The following GOT1L1 variants were observed in gnomAD, a reference collection of about 807,000 sequenced individuals.
GOT1L1 encodes the protein aspartate aminotransferase, cytoplasmic 2.
Under a neutral mutation model 43.6 loss-of-function variants are expected in GOT1L1, and 38 were observed. The observed-to-expected ratio is 0.87, with a 90% CI of 0.67 to 1.14. GOT1L1 has a LOEUF of 1.14. Ranked by LOEUF, GOT1L1 falls within the 50% of genes most tolerant of loss-of-function variation. The probability of loss-of-function intolerance (pLI) is 0.00; values close to 1 mark genes in which losing one functional copy is unlikely to be tolerated. For missense variants in GOT1L1, 482 were observed against 504.0 expected (o/e 0.96, Z 0.42); for synonymous variants, 183 against 187.2 (o/e 0.98, Z 0.18).
Position 37,938,897 on chromosome 8 carries a change from C to T in GOT1L1, c.116-16G>A. ...GTCATGCAGACTGTGAGGAAAACCA[C>T]AGAGGGAGCTCCAGATGCCTGGTTT... is the stretch of plus-strand genomic sequence containing the variant. On this transcript the variant is annotated splice_polypyrimidine_tract_variant and intron_variant, in intron 1 of 8. Coordinates refer to ENST00000307599, the MANE Select transcript of GOT1L1 (RefSeq NM_152413.3). 6.2e-7 allele frequency: 1 copy of T among 1,612,426 alleles called. No homozygotes were observed. Among genetic ancestry groups the T allele is most frequent in the Non-Finnish European group, 8.5e-7 (1 of 1,179,122 alleles).
At position 37,935,757 on chromosome 8, in the gene GOT1L1, C is replaced by T. The variant is rs754427989; in HGVS notation, c.876G>A (p.Thr292=). The change falls in exon 7 of 9, where the codon ACG becomes ACA. Residue 292 remains threonine, a synonymous_variant. Coordinates refer to ENST00000307599, the MANE Select transcript of GOT1L1 (RefSeq NM_152413.3). Reference sequence around the variant, plus strand: ...GGATGGAGGTGATGACACGTGCACCCGTGTTGGGGGGGTTTAGCCACAGGG... The same window carrying T: ...GGATGGAGGTGATGACACGTGCACCTGTGTTGGGGGGGTTTAGCCACAGGG... ...AQALWLNPPN[T]GARVITSILC... 1.2e-5 allele frequency: 19 copies of T among 1,611,058 alleles called. No homozygotes were observed. The highest frequency in any genetic ancestry group is 1.7e-5 in the Admixed American group (1 of 59,580).
intron 3 of GOT1L1, 62 bp downstream of exon 3, chr8:37,937,576 G>A (rs570753873): frequency 7.3e-6 from 9 of 1,237,158 alleles, no homozygotes; most frequent in Non-Finnish European, 9.3e-6. Context: ...GATGGCAAAT[G>A]GGGTGAGGAT....
At position 37,936,822 on chromosome 8, in the gene GOT1L1, T is replaced by C; in HGVS notation, c.661A>G (p.Thr221Ala). 6.2e-7 allele frequency: 1 copy of C among 1,611,552 alleles called. No homozygotes were observed. Among genetic ancestry groups the C allele is most frequent in the Non-Finnish European group, 8.5e-7 (1 of 1,177,778 alleles). Residue 221 changes from threonine (T) to alanine (A), a missense_variant, in exon 6 of 9, where the codon ACC becomes GCC. Thr to Ala is a moderately conservative substitution (Grantham distance 58). Coordinates refer to ENST00000307599, the MANE Select transcript of GOT1L1 (RefSeq NM_152413.3). The part of the protein sequence containing the change: ...FFDIPCQGLY[T>A]SDLEEDTRIL... ...CTAGTATCTTCTTCCAAGTCACTGG[T>C]GTATAAACCTTGACAGGGAATATCA...
rs570585162 is a variant in GOT1L1 at position 37,938,635 on chromosome 8, G to A, written c.297+65C>T. The stretch of plus-strand genomic sequence containing the variant: ...CTCCGAGGTCCCCTTCGGGTTTAAG[G>A]TTGTGCAGACCCAGATCGCCACTCT... On this transcript the variant is annotated intron_variant, in intron 2 of 8. Coordinates refer to ENST00000307599, the MANE Select transcript of GOT1L1 (RefSeq NM_152413.3). The A allele has an allele frequency of 1.3e-4, 191 of 1,443,798 alleles. 2 individuals are homozygous for A. In the South Asian group the frequency reaches 2.4e-3, roughly 18 times the overall value. 89.4% of individuals were successfully genotyped at this position (1,443,798 alleles called of 1,614,324 possible).
At chr8:37,937,915 T>C (rs4956535) in intron 2 of GOT1L1, among the ~76,000 whole-genome samples, 166 bp from the exon 3 acceptor site, 68,090 of 151,454 alleles carry the variant, frequency 0.45, 15,764 homozygotes, top group East Asian at 0.77. Flanking sequence ...GTGTTGGGCA[T>C]GTGTAATCCC....
chr8:37,937,716 C>T lies in GOT1L1; in HGVS notation c.331G>A (p.Ala111Thr). Reference sequence around the variant, plus strand: ...AGAAACTGGACGCCAAGCTGGAAGGCACCACTGTCACCAACAGTGTGTACA... The same window carrying T: ...AGAAACTGGACGCCAAGCTGGAAGGTACCACTGTCACCAACAGTGTGTACA... ...GGVHTVGDSG[A>T]FQLGVQFLRA... The change falls in exon 3 of 9, where the codon GCC becomes ACC. Residue 111 changes from alanine to threonine, a missense_variant. By Grantham distance (58) the Ala-to-Thr change is moderately conservative. Coordinates refer to ENST00000307599, the MANE Select transcript of GOT1L1 (RefSeq NM_152413.3). The T allele has an allele frequency of 6.2e-7, 1 of 1,612,970 alleles. No homozygotes were observed. The highest frequency in any genetic ancestry group is 8.5e-7 in the Non-Finnish European group (1 of 1,179,482).
chr8:37,937,015 C>G lies in GOT1L1; in HGVS notation c.562G>C (p.Asp188His), dbSNP rs2276004. 2.4e-5 allele frequency: 38 copies of G among 1,613,882 alleles called. No homozygotes were observed. In the East Asian group the frequency reaches 8.5e-4, roughly 36 times the overall value. Residue 188 changes from aspartate to histidine, a missense_variant, in exon 5 of 9, where the codon GAC (aspartate) becomes CAC (histidine). Physicochemically the swap from Asp to His is moderately conservative, Grantham distance 81. Transcript: ENST00000307599. ...GCVLVMGNII[D>H]CKLTPSGWAK... Reference sequence around the variant, plus strand: ...CACCCACTTGGTGTCAACTTGCAGTCGATAATGTTCCCCATCACAAGGACA... The same window carrying G: ...CACCCACTTGGTGTCAACTTGCAGTGGATAATGTTCCCCATCACAAGGACA...
chr8:37,938,451 A>G (rs902892821), intron 2 of GOT1L1, among the ~76,000 whole-genome samples: 2 of 152,102 alleles, frequency 1.3e-5, no homozygotes, highest in Non-Finnish European at 2.9e-5. Context: ...TACTAACACC[A>G]CCTCCAATTC....
At chr8:37,936,491 A>G (rs1226318173) in intron 6 of GOT1L1, among the ~76,000 whole-genome samples, 1 of 151,942 alleles carries the variant, frequency 6.6e-6, no homozygotes, top group East Asian at 1.9e-4. Flanking sequence ...TAGTTGAGGA[A>G]ACAGAGGCCT....
Position 37,935,870 on chromosome 8 carries a change from C to T in GOT1L1, c.764-1G>A. The T allele has an allele frequency of 6.2e-7, 1 of 1,612,540 alleles. No homozygotes were observed. Among genetic ancestry groups the T allele is most frequent in the Non-Finnish European group, 8.5e-7 (1 of 1,179,294 alleles). ...ACCACTAGCATCCCCACTCCTTCAT[C>T]TGCAGTGTTGGGAAGACAGCCTCAG... On this transcript the variant is annotated splice_acceptor_variant, in intron 6 of 8. Transcript: ENST00000307599. LOFTEE classifies it high-confidence loss of function.
intron 2 of GOT1L1, among the ~76,000 whole-genome samples, chr8:37,938,079 G>T (rs1205455895): frequency 1.3e-5 from 2 of 151,744 alleles, no homozygotes; most frequent in East Asian, 3.9e-4. Context: ...AAAATAAAAA[G>T]AAATAGACAG....
In GOT1L1 at chr8:37,938,856, G is replaced by A; in HGVS notation, c.141C>T (p.Pro47=). The A allele has an allele frequency of 1.2e-6, 2 of 1,613,818 alleles. No individual in the cohort carries two copies. Among genetic ancestry groups the A allele is most frequent in the Non-Finnish European group, 1.7e-6 (2 of 1,179,776 alleles). Residue 47 remains proline, a synonymous_variant, in exon 2 of 9, where the codon CCC becomes CCT. Transcript: ENST00000307599. The part of the protein sequence containing the change: ...YRVCMTNEGH[P]WVSLVVQKTR... ...TCTTCTGCACCACGAGAGAAACCCA[G>A]GGATGGCCTTCATTTGTCATGCAGA... is the stretch of plus-strand genomic sequence containing the variant.
At chr8:37,939,082 T>A in intron 1 of GOT1L1, 1 of 510,242 alleles carries the variant, frequency 2.0e-6, no homozygotes, top group South Asian at 2.1e-5. Context: ...TTTGTCTTTT[T>A]AAAAAAGACA....
Position 37,934,341 on chromosome 8 carries a change from C to T in GOT1L1, c.1218G>A (p.Glu406=), listed in dbSNP as rs1178177745. 6.2e-7 allele frequency: 1 copy of T among 1,613,808 alleles called. No individual in the cohort carries two copies. Among genetic ancestry groups the T allele is most frequent in the African/African-American group, 1.3e-5 (1 of 75,038 alleles). ...NEAVLLTESS[E]MCLPKEKKTL... is the part of the protein sequence containing the mutation. ...TTTTTTTTTCCTTTGGAAGACACAT[C>T]TCTGAGCTCTCTGTGAGGAGGACAG... Residue 406 remains glutamate, a synonymous_variant, in exon 9 of 9, where the codon GAG becomes GAA. Coordinates refer to ENST00000307599, the MANE Select transcript of GOT1L1 (RefSeq NM_152413.3).
rs138945626 is a variant in GOT1L1, at chr8:37,935,987, C to T, written c.764-118G>A. 9 of 1,113,828 alleles carry T rather than the reference C, an allele frequency of 8.1e-6. No homozygotes were observed. In the Admixed American group the frequency reaches 1.2e-4, roughly 14 times the overall value. 69.0% of individuals were successfully genotyped at this position (1,113,828 alleles called of 1,614,324 possible). On this transcript the variant is annotated intron_variant, in intron 6 of 8. Coordinates refer to ENST00000307599, the MANE Select transcript of GOT1L1 (RefSeq NM_152413.3). ...GGGTTGAACCACAAGGCCCTCATTG[C>T]AGCCCAGCCAGGGTGATATTCAGGC...
chr8:37,937,253 A>G, intron 4 of GOT1L1, 24 bp downstream of exon 4: 2 of 1,439,056 alleles, frequency 1.4e-6, no homozygotes, highest in South Asian at 1.3e-5. Flanking sequence ...TCTAGGGAGG[A>G]GTTTCTGAGC....
chr8:37,935,034 AGG>A, intron 8 of GOT1L1, 37 bp downstream of exon 8: 1 of 1,610,680 alleles, frequency 6.2e-7, no homozygotes, highest in Non-Finnish European at 8.5e-7. Flanking sequence ...TACAGGCCAA[AGG>A]TCAGAAAGGG....
chr8:37,937,282 C>T lies in GOT1L1; in HGVS notation c.514G>A (p.Val172Met), dbSNP rs539578990. ...TCTGAGCGGGGCCCCTCTACCTCCA[C>T]CACATTGAGGAGTATGTCGGGGTCC... ...CMDPDILLNV[V>M]EQIPHGCVLV... The change falls in exon 4 of 9, where the codon GTG becomes ATG. Residue 172 changes from valine to methionine, a missense_variant. Coordinates refer to ENST00000307599, the MANE Select transcript of GOT1L1 (RefSeq NM_152413.3). The T allele has an allele frequency of 9.4e-6, 15 of 1,591,058 alleles. No individual in the cohort carries two copies. The South Asian group carries it at 1.7e-4, about 18-fold the overall frequency.
intron 6 of GOT1L1, 96 bp from the exon 7 acceptor site, chr8:37,935,965 T>C: frequency 7.0e-7 from 1 of 1,420,506 alleles, no homozygotes; most frequent in South Asian, 1.3e-5. Context: ...GAAGAAAGGG[T>C]TGAACCACAA....
Sources: gnomAD v4.1 joint callset for allele counts (sites outside exome capture counted in the v4.1 genomes callset) on GRCh38, gnomAD v4.1.1 for gene constraint, MANE v1.5 for transcripts, NCBI Gene and HGNC (gene_info 2026-07-23, HGNC 2026-07-21) for gene names.